HPSE2: variants seen among roughly 807,000 people sequenced by gnomAD.
The protein encoded by HPSE2 is inactive heparanase-2.
HPSE2 carries 38 observed loss-of-function variants against 60.5 expected under a neutral mutation model. The observed-to-expected ratio is 0.63, with a 90% CI of 0.48 to 0.82. The LOEUF (loss-of-function observed/expected upper bound fraction) is 0.82, where lower values mean the gene tolerates loss of function less well. Ranked by LOEUF, HPSE2 falls within the 40% of genes least tolerant of loss-of-function variation. The probability of loss-of-function intolerance (pLI) is 0.00; values close to 1 mark genes in which losing one functional copy is unlikely to be tolerated. For synonymous variants in HPSE2, 295 were observed against 293.2 expected, an observed-to-expected ratio of 1.01 and a Z score of -0.06; for missense variants, 713 against 740.4, an observed-to-expected ratio of 0.96 and a Z score of 0.43.
intron 11 of HPSE2, among the ~76,000 whole-genome samples, chr10:98,474,718 T>A (rs927639244): frequency 4.6e-5 from 7 of 152,212 alleles, no homozygotes; most frequent in Non-Finnish European, 1.0e-4. Context: ...CTTGAGATTT[T>A]TTTCAGCTAA....
intron 5 of HPSE2, among the ~76,000 whole-genome samples, chr10:98,701,844 C>G (rs1191822726): frequency 6.6e-6 from 1 of 152,114 alleles, no homozygotes; most frequent in East Asian, 1.9e-4. Context: ...GTACCAGCCA[C>G]TGCAAAAACA....
chr10:98,536,609 G>T (rs1164815166), intron 9 of HPSE2, among the ~76,000 whole-genome samples: 1 of 152,184 alleles, frequency 6.6e-6, no homozygotes, highest in Non-Finnish European at 1.5e-5. Context: ...GTCAGGTAAG[G>T]CAGGAGAAGA....
chr10:98,480,256 A>AT lies in HPSE2; in HGVS notation c.1613+2379dup, dbSNP rs531665113. Among the ~76,000 whole-genome samples the AT allele has an allele frequency of 2.0e-3, 306 of 151,528 alleles. 4 individuals are homozygous for AT. The highest frequency in any genetic ancestry group is 6.8e-3 in the Middle Eastern group (2 of 292). On this transcript the variant is annotated intron_variant, in intron 11 of 11. Transcript: ENST00000370552. ...ACCACCACACCTGGCTAATTTTTGT[A>AT]TTTTTTTTGTACAGAAGGGGTTTCA...
At chr10:98,549,812 A>G (rs1943806277) in intron 9 of HPSE2, among the ~76,000 whole-genome samples, 1 of 152,124 alleles carries the variant, frequency 6.6e-6, no homozygotes, top group East Asian at 1.9e-4. Flanking sequence ...ACATCTCAGA[A>G]CGAGCCTTCT....
At chr10:98,736,468 C>T (rs1168415976) in intron 4 of HPSE2, among the ~76,000 whole-genome samples, 1 of 152,122 alleles carries the variant, frequency 6.6e-6, no homozygotes, top group African/African-American at 2.4e-5. Context: ...CATGATTCTC[C>T]ACCATGATAA....
rs1015032221 is a variant in HPSE2 at position 98,929,335 on chromosome 10, G to A, written c.611-185279C>T. Among the ~76,000 whole-genome samples the A allele has an allele frequency of 4.9e-5, 7 of 143,834 alleles. 2 individuals are homozygous for A. The highest frequency in any genetic ancestry group is 2.0e-4 in the African/African-American group (7 of 35,392). The allele number at this position is 143,834 out of a possible 152,430, so 94.4% of individuals were successfully genotyped here. A position where few individuals can be genotyped will look rare whatever the true frequency, so the allele number is the denominator to read the frequency against. On this transcript the variant is annotated intron_variant, in intron 3 of 11. Coordinates refer to ENST00000370552, the MANE Select transcript of HPSE2 (RefSeq NM_021828.5). Reference sequence around the variant, plus strand: ...AGCCAAGCAAGGCTTTCCTTGACCAGGGTTGTGGTACTACCTCTACTCCTG... The same window carrying A: ...AGCCAAGCAAGGCTTTCCTTGACCAAGGTTGTGGTACTACCTCTACTCCTG...
chr10:98,863,135 A>G (rs1253597953), intron 3 of HPSE2, among the ~76,000 whole-genome samples: 1 of 152,204 alleles, frequency 6.6e-6, no homozygotes, highest in Non-Finnish European at 1.5e-5. Flanking sequence ...GTAGTTGAAA[A>G]GAGAAGAAAA....
chr10:98,961,091 A>G (rs1293799756), intron 3 of HPSE2, among the ~76,000 whole-genome samples: 1 of 34,886 alleles, frequency 2.9e-5, no homozygotes, highest in Non-Finnish European at 5.6e-5. Flanking sequence ...TTATGGCTGC[A>G]TAGTATTCCA....
At chr10:98,633,635 CT>C (rs1375197384) in intron 7 of HPSE2, among the ~76,000 whole-genome samples, 3 of 152,126 alleles carry the variant, frequency 2.0e-5, no homozygotes, top group African/African-American at 7.2e-5. Flanking sequence ...ATCAGTGAGT[CT>C]TCTGTTATGT....
chr10:99,034,582 G>A (rs1957568662), intron 3 of HPSE2, among the ~76,000 whole-genome samples: 1 of 152,040 alleles, frequency 6.6e-6, no homozygotes, highest in East Asian at 1.9e-4. Context: ...CGTGTACACA[G>A]AGACATAAAT....
chr10:99,171,991 C>A (rs1456700963), intron 2 of HPSE2, among the ~76,000 whole-genome samples: 1 of 152,010 alleles, frequency 6.6e-6, no homozygotes, highest in Non-Finnish European at 1.5e-5. Flanking sequence ...AAACAGAATT[C>A]TAAAAATTAA....
At chr10:98,942,640 C>A (rs1259996760) in intron 3 of HPSE2, among the ~76,000 whole-genome samples, 17 of 152,158 alleles carry the variant, frequency 1.1e-4, no homozygotes, top group African/African-American at 3.4e-4. Flanking sequence ...GTGGGACTGT[C>A]AACTAGTTCA....
rs963267532 is a variant in HPSE2, at chr10:98,565,951, A to T, written c.1320+48953T>A. Reference sequence around the variant, plus strand: ...TATCAGCCAAGGCTCTACAGCCAGGATCTTCCCAAAGAAGAAGTCCAGAGG... The same window carrying T: ...TATCAGCCAAGGCTCTACAGCCAGGTTCTTCCCAAAGAAGAAGTCCAGAGG... On this transcript the variant is annotated intron_variant, in intron 9 of 11. Coordinates refer to ENST00000370552, the MANE Select transcript of HPSE2 (RefSeq NM_021828.5). 1.4e-4 allele frequency among the ~76,000 whole-genome samples: 22 copies of T among 152,268 alleles called. No homozygotes were observed. In the East Asian group the frequency reaches 2.9e-3, roughly 20 times the overall value.
intron 3 of HPSE2, among the ~76,000 whole-genome samples, chr10:98,968,507 C>T (rs563948001): frequency 2.1e-4 from 32 of 152,144 alleles, no homozygotes; most frequent in East Asian, 1.4e-3. Context: ...TGGGTATTTA[C>T]GCAAAGAAAA....
At chr10:99,155,642 G>T (rs1347635094) in intron 2 of HPSE2, among the ~76,000 whole-genome samples, 3 of 147,038 alleles carry the variant, frequency 2.0e-5, no homozygotes, top group African/African-American at 7.5e-5. Context: ...ATGCCCACAA[G>T]AGAAAGCAGG....
chr10:98,646,915 T>A (rs1448202934), intron 6 of HPSE2, among the ~76,000 whole-genome samples: 1 of 152,250 alleles, frequency 6.6e-6, no homozygotes. Context: ...AACATTTTGC[T>A]GCATACTCTT....
chr10:99,181,042 C>T (rs1164437834), intron 2 of HPSE2, among the ~76,000 whole-genome samples: 3 of 151,878 alleles, frequency 2.0e-5, no homozygotes, highest in Non-Finnish European at 4.4e-5. Context: ...ACCAGAAATA[C>T]CATTTAACCC....
intron 9 of HPSE2, among the ~76,000 whole-genome samples, chr10:98,575,221 T>C (rs1293883463): frequency 1.3e-5 from 2 of 152,200 alleles, no homozygotes; most frequent in Non-Finnish European, 2.9e-5. Flanking sequence ...GACCTAGGCA[T>C]AACTGAATTT....
At chr10:98,952,265 A>G (rs1025926885) in intron 3 of HPSE2, among the ~76,000 whole-genome samples, 75 of 151,986 alleles carry the variant, frequency 4.9e-4, no homozygotes, top group African/African-American at 1.6e-3. Flanking sequence ...GAGGGTGTCA[A>G]GAAAATGTAA....
Sources: gnomAD v4.1 joint callset for allele counts (sites outside exome capture counted in the v4.1 genomes callset) on GRCh38, gnomAD v4.1.1 for gene constraint, MANE v1.5 for transcripts, NCBI Gene and HGNC (gene_info 2026-07-23, HGNC 2026-07-21) for gene names.